The following HECW2 variants were observed in gnomAD, a reference collection of about 807,000 sequenced individuals.
The protein encoded by HECW2 is E3 ubiquitin-protein ligase HECW2.
HECW2 carries 61 observed loss-of-function variants against 175.2 expected under a neutral mutation model. The ratio of observed to expected loss-of-function variants is 0.35; its 90% CI spans 0.28 to 0.43. The LOEUF is 0.43. Among genes scored for constraint, HECW2 ranks in the 20% least tolerant of loss-of-function variants. The pLI is 1.00. For synonymous variants in HECW2, 671 were observed against 731.0 expected, an observed-to-expected ratio of 0.92 and a Z score of 1.32; for missense variants, 1,524 against 2,000.5, an observed-to-expected ratio of 0.76 and a Z score of 4.54.
intron 21 of HECW2, chr2:196,238,525 T>C (rs1346003407): frequency 4.6e-5 from 7 of 152,162 alleles, no homozygotes; most frequent in African/African-American, 1.7e-4. Context: ...AAACAGCATA[T>C]GTATCCTCGG....
At position 196,194,816 on chromosome 2, in the gene HECW2, C is replaced by T. The variant is rs951356345; in HGVS notation, c.*6461G>A. 10 of 152,100 alleles carry T rather than the reference C, an allele frequency of 6.6e-5. No homozygotes were observed. The highest frequency in any genetic ancestry group is 1.5e-4 in the Non-Finnish European group (10 of 68,018). The allele number at this position is 152,100 out of a possible 1,614,324, so 9.4% of individuals were successfully genotyped here. A position where few individuals can be genotyped will look rare whatever the true frequency, so the allele number is the denominator to read the frequency against. On this transcript the variant is annotated 3_prime_UTR_variant, in exon 29 of 29. Transcript: ENST00000644978. Reference sequence around the variant, plus strand: ...ACTGAAATACCACTATTAACTGTGACACACTGTGTGGTGAACGTAATGACT... The same window carrying T: ...ACTGAAATACCACTATTAACTGTGATACACTGTGTGGTGAACGTAATGACT...
chr2:196,343,540 TA>T, intron 3 of HECW2, 116 bp downstream of exon 3: 1 of 687,112 alleles, frequency 1.5e-6, no homozygotes, highest in Non-Finnish European at 2.5e-6. Context: ...CATCATGGCA[TA>T]AATATGTAAA....
At chr2:196,434,377 T>TGATAAGCTATTTCCTTTGGCTCCC (rs1559108588) in intron 1 of HECW2, among the ~76,000 whole-genome samples, 2 of 152,178 alleles carry the variant, frequency 1.3e-5, no homozygotes, top group East Asian at 1.9e-4. Flanking sequence ...ATCTGGATCA[T>TGATAAGCTATTTCCTTTGGCTCCC]GATAAGCTAT....
At chr2:196,201,791 G>T (rs76364847) in intron 28 of HECW2, among the ~76,000 whole-genome samples, 1 of 151,960 alleles carries the variant, frequency 6.6e-6, no homozygotes, top group African/African-American at 2.4e-5. Context: ...GCATATGCCT[G>T]GGTGTCTCTT....
intron 2 of HECW2, among the ~76,000 whole-genome samples, chr2:196,382,485 G>A (rs1694236010): frequency 6.6e-6 from 1 of 151,776 alleles, no homozygotes; most frequent in Non-Finnish European, 1.5e-5. Context: ...AAAAAAACAT[G>A]TAATAACATT....
At chr2:196,424,336 C>T (rs1015310192) in intron 2 of HECW2, among the ~76,000 whole-genome samples, 9 of 152,008 alleles carry the variant, frequency 5.9e-5, no homozygotes, top group African/African-American at 1.9e-4. Flanking sequence ...ATTAATAACC[C>T]TACAATGGCC....
intron 21 of HECW2, chr2:196,238,629 T>C (rs1178306756): frequency 2.6e-5 from 4 of 152,204 alleles, no homozygotes; most frequent in Non-Finnish European, 4.4e-5. Flanking sequence ...ATAAACCATA[T>C]GCAGAGTGAA....
intron 1 of HECW2, among the ~76,000 whole-genome samples, chr2:196,519,762 A>T (rs1688285921): frequency 6.6e-6 from 1 of 152,222 alleles, no homozygotes; most frequent in African/African-American, 2.4e-5. Flanking sequence ...AATACGTGTA[A>T]TGGCACTTAC....
chr2:196,516,490 T>C (rs1186365282), intron 1 of HECW2, among the ~76,000 whole-genome samples: 3 of 152,256 alleles, frequency 2.0e-5, no homozygotes. Flanking sequence ...TCGTATTATA[T>C]AATGAAATTT....
chr2:196,332,123 C>T (rs543143712), intron 4 of HECW2, among the ~76,000 whole-genome samples: 3 of 150,680 alleles, frequency 2.0e-5, no homozygotes, highest in African/African-American at 4.9e-5. Context: ...TTCAATTCAT[C>T]GCAATAGGAT....
At chr2:196,526,400 C>T (rs937845978) in intron 1 of HECW2, among the ~76,000 whole-genome samples, 3 of 147,198 alleles carry the variant, frequency 2.0e-5, no homozygotes, top group Non-Finnish European at 3.0e-5. Flanking sequence ...TCAAAGTTTT[C>T]AACTTCTTTG....
intron 2 of HECW2, among the ~76,000 whole-genome samples, chr2:196,412,610 G>T (rs952129201): frequency 6.6e-5 from 10 of 152,126 alleles, no homozygotes; most frequent in African/African-American, 1.9e-4. Context: ...CTTTGTTTTG[G>T]CCAGGAAGCC....
chr2:196,492,516 G>T (rs945329480), intron 1 of HECW2, among the ~76,000 whole-genome samples: 2 of 152,206 alleles, frequency 1.3e-5, no homozygotes, highest in African/African-American at 4.8e-5. Context: ...TTAAAGAACA[G>T]ATTATCAAAC....
chr2:196,381,795 C>T (rs1262557286), intron 2 of HECW2, among the ~76,000 whole-genome samples: 1 of 152,058 alleles, frequency 6.6e-6, no homozygotes, highest in African/African-American at 2.4e-5. Flanking sequence ...TACTGCAGGA[C>T]ACAGCTGACA....
intron 28 of HECW2, among the ~76,000 whole-genome samples, chr2:196,203,793 C>T (rs1290158942): frequency 2.0e-5 from 3 of 152,110 alleles, no homozygotes; most frequent in Admixed American, 6.6e-5. Flanking sequence ...TATTTTGCAA[C>T]CATCATCACT....
chr2:196,519,393 C>T (rs1011799636), intron 1 of HECW2, among the ~76,000 whole-genome samples: 6 of 152,142 alleles, frequency 3.9e-5, no homozygotes, highest in Non-Finnish European at 7.4e-5. Context: ...AATAAATAAA[C>T]AGAAAACAGC....
At chr2:196,582,309 G>A (rs543735809) in intron 1 of HECW2, among the ~76,000 whole-genome samples, 5 of 152,186 alleles carry the variant, frequency 3.3e-5, no homozygotes, top group South Asian at 2.1e-4. Flanking sequence ...TTCTAGCTAC[G>A]GTTACACTTC....
At chr2:196,448,585 C>G (rs1318070687) in intron 1 of HECW2, among the ~76,000 whole-genome samples, 1 of 152,206 alleles carries the variant, frequency 6.6e-6, no homozygotes, top group Admixed American at 6.5e-5. Context: ...GCAGCCTCCC[C>G]CGCCAAAGCA....
intron 1 of HECW2, among the ~76,000 whole-genome samples, chr2:196,457,486 A>T (rs1179497726): frequency 1.3e-5 from 2 of 152,246 alleles, no homozygotes; most frequent in Admixed American, 1.3e-4. Flanking sequence ...AAAGCTGTTT[A>T]AAAAATTACT....
Sources: gnomAD v4.1 joint callset for allele counts (sites outside exome capture counted in the v4.1 genomes callset) on GRCh38, gnomAD v4.1.1 for gene constraint, MANE v1.5 for transcripts, NCBI Gene and HGNC (gene_info 2026-07-23, HGNC 2026-07-21) for gene names.